ZNF423: variants seen among roughly 807,000 people sequenced by gnomAD.
The protein encoded by ZNF423 is Ebf-associated zinc finger protein.
ZNF423 carries 12 observed loss-of-function variants against 95.8 expected under a neutral mutation model. The observed-to-expected ratio is 0.13, with a 90% CI of 0.08 to 0.20. ZNF423 has a LOEUF of 0.20. Ranked by LOEUF, ZNF423 falls within the 10% of genes least tolerant of loss-of-function variation. ZNF423 has a pLI of 1.00. For synonymous variants in ZNF423, 749 were observed against 711.9 expected, an observed-to-expected ratio of 1.05 and a Z score of -0.83; for missense variants, 1,316 against 1,737.1, an observed-to-expected ratio of 0.76 and a Z score of 4.31.
At chr16:49,840,335 G>A (rs117021076) in intron 1 of ZNF423, among the ~76,000 whole-genome samples, 1 of 152,036 alleles carries the variant, frequency 6.6e-6, no homozygotes, top group Non-Finnish European at 1.5e-5. Flanking sequence ...TCTCTTTTTG[G>A]GGGGGTGGAA....
At chr16:49,576,229 C>G (rs1567478518) in intron 5 of ZNF423, among the ~76,000 whole-genome samples, 1 of 152,202 alleles carries the variant, frequency 6.6e-6, no homozygotes, top group Non-Finnish European at 1.5e-5. Context: ...CCAAGATAGA[C>G]ACTGGGAACA....
In ZNF423 at chr16:49,811,988, C is replaced by T. The variant is rs753133300; in HGVS notation, c.41-22442G>A. Among the ~76,000 whole-genome samples the T allele has an allele frequency of 3.3e-5, 5 of 152,258 alleles. 1 individual carries two copies. The highest frequency in any genetic ancestry group is 7.3e-5 in the Non-Finnish European group (5 of 68,042). ...CTCTGTCCCGCTCTCCTCTCCCCTT[C>T]CTCCTGCCCCTAGGCCTGTGACAGG... On this transcript the variant is annotated intron_variant, in intron 1 of 7. Transcript: ENST00000563137.
chr16:49,557,627 G>T (rs1040384239), intron 5 of ZNF423, among the ~76,000 whole-genome samples: 1 of 152,242 alleles, frequency 6.6e-6, no homozygotes, highest in Non-Finnish European at 1.5e-5. Flanking sequence ...CAGCCTCTGG[G>T]CTGGGGCTGG....
intron 3 of ZNF423, among the ~76,000 whole-genome samples, chr16:49,713,011 A>G (rs751369843): frequency 2.0e-5 from 3 of 152,256 alleles, no homozygotes; most frequent in Non-Finnish European, 4.4e-5. Context: ...TTATGCAAAT[A>G]AAGTTTTGGC....
At chr16:49,815,883 T>A (rs886451945) in intron 1 of ZNF423, among the ~76,000 whole-genome samples, 272 of 43,244 alleles carry the variant, frequency 6.3e-3, no homozygotes, top group South Asian at 0.011. Flanking sequence ...AAAAAAAAAA[T>A]ATATATATAT....
intron 3 of ZNF423, among the ~76,000 whole-genome samples, chr16:49,659,980 G>A (rs559153049): frequency 6.6e-6 from 1 of 152,348 alleles, no homozygotes; most frequent in Non-Finnish European, 1.5e-5. Flanking sequence ...GTGGGGTGCA[G>A]GGCCAGAAGG....
At chr16:49,529,757 C>T (rs559939499) in intron 5 of ZNF423, among the ~76,000 whole-genome samples, 15 of 152,216 alleles carry the variant, frequency 9.9e-5, no homozygotes, top group African/African-American at 2.9e-4. Flanking sequence ...GGCACACATT[C>T]GGAGGCCATA....
intron 5 of ZNF423, among the ~76,000 whole-genome samples, chr16:49,556,484 T>C (rs1197381155): frequency 6.6e-6 from 1 of 152,118 alleles, no homozygotes; most frequent in Non-Finnish European, 1.5e-5. Flanking sequence ...CCCTATCAAC[T>C]CGGAGGCCCC....
chr16:49,582,799 G>GA (rs1203895232), intron 5 of ZNF423, among the ~76,000 whole-genome samples: 2 of 152,072 alleles, frequency 1.3e-5, no homozygotes, highest in Non-Finnish European at 2.9e-5. Flanking sequence ...CTATGTTGAT[G>GA]AAAAAAACAC....
intron 3 of ZNF423, among the ~76,000 whole-genome samples, chr16:49,678,772 G>A (rs1002172887): frequency 4.6e-5 from 7 of 152,246 alleles, no homozygotes; most frequent in Non-Finnish European, 8.8e-5. Context: ...CTGTAGGTTA[G>A]CTGTTGTGCC....
chr16:49,743,278 C>G (rs1298804454), intron 2 of ZNF423, among the ~76,000 whole-genome samples: 1 of 152,212 alleles, frequency 6.6e-6, no homozygotes. Flanking sequence ...TCTGCACCCC[C>G]ACAGGGTCAG....
chr16:49,522,879 T>C (rs541501820), intron 7 of ZNF423, among the ~76,000 whole-genome samples: 23 of 152,212 alleles, frequency 1.5e-4, no homozygotes, highest in Non-Finnish European at 3.1e-4. Flanking sequence ...TCTCCAGTGT[T>C]GCAAGAATTT....
chr16:49,538,671 G>A (rs1365581515), intron 5 of ZNF423, among the ~76,000 whole-genome samples: 1 of 152,144 alleles, frequency 6.6e-6, no homozygotes, highest in Non-Finnish European at 1.5e-5. Flanking sequence ...CTGGCCCAAG[G>A]GCTGCACTCA....
Position 49,637,512 on chromosome 16 carries a change from T to A in ZNF423, c.1664A>T (p.Lys555Ile). The A allele has an allele frequency of 6.2e-7, 1 of 1,613,876 alleles. No homozygotes were observed. The highest frequency in any genetic ancestry group is 8.5e-7 in the Non-Finnish European group (1 of 1,179,958). Residue 555 changes from lysine (K) to isoleucine (I), a missense_variant, in exon 4 of 8, where the codon AAA (lysine) becomes ATA (isoleucine). Around this residue, in one of 6 missense-constraint regions of ZNF423, gnomAD observed 399 missense variants for 478.5 expected, o/e 0.83. Transcript: ENST00000563137. This position sits in a 1 kb window ranked among gnomAD's most constrained non-coding sequence, Gnocchi z 5.6. ...QQAHCSVGSAKLESPVVQPTQ... is the reference protein window; with the variant it reads ...QQAHCSVGSAILESPVVQPTQ... ...GGGCTGCACCACCGGAGACTCTAGTTTGGCACTGCCCACACTGCAGTGGGC... is the reference window on the plus strand; with the variant it reads ...GGGCTGCACCACCGGAGACTCTAGTATGGCACTGCCCACACTGCAGTGGGC...
At chr16:49,812,338 C>T (rs915718880) in intron 1 of ZNF423, among the ~76,000 whole-genome samples, 1 of 152,224 alleles carries the variant, frequency 6.6e-6, no homozygotes, top group African/African-American at 2.4e-5. Flanking sequence ...AAGCTACAGG[C>T]ACCTGCTGCC....
chr16:49,753,953 C>G (rs1182529651), intron 2 of ZNF423, among the ~76,000 whole-genome samples: 2 of 151,140 alleles, frequency 1.3e-5, no homozygotes, highest in Admixed American at 6.6e-5. Context: ...ATCACTTGAA[C>G]ACGGGAGGAG....
intron 5 of ZNF423, among the ~76,000 whole-genome samples, chr16:49,548,767 G>A (rs920398112): frequency 5.3e-5 from 8 of 152,194 alleles, no homozygotes; most frequent in Non-Finnish European, 7.3e-5. Flanking sequence ...ACCAGGAAAA[G>A]TTTCCCAAGA....
intron 6 of ZNF423, 40 bp from the exon 7 acceptor site, chr16:49,523,779 C>T: frequency 6.4e-7 from 1 of 1,554,014 alleles, no homozygotes; most frequent in African/African-American, 1.4e-5. Context: ...GCTCAGGACA[C>T]CAGCCCAGCC....
At chr16:49,555,491 G>A (rs897252873) in intron 5 of ZNF423, among the ~76,000 whole-genome samples, 5 of 152,362 alleles carry the variant, frequency 3.3e-5, no homozygotes, top group African/African-American at 1.2e-4. Context: ...AGACGAAAGG[G>A]TTAACACACG....
Sources: gnomAD v4.1 joint callset for allele counts (sites outside exome capture counted in the v4.1 genomes callset) on GRCh38, gnomAD v4.1.1 for gene constraint, gnomAD v4.1.1 regional missense constraint, Gnocchi (gnomAD v3.1) non-coding constraint, MANE v1.5 for transcripts, NCBI Gene and HGNC (gene_info 2026-07-23, HGNC 2026-07-21) for gene names.